The following INTS12 variants were observed in gnomAD, a reference collection of about 807,000 sequenced individuals.
The protein encoded by INTS12 is PHD finger protein 22.
INTS12 carries 13 observed loss-of-function variants against 41.6 expected under a neutral mutation model. That is an observed-to-expected ratio of 0.31 (90% CI 0.20 to 0.50). The LOEUF (loss-of-function observed/expected upper bound fraction) is 0.50, where lower values mean the gene tolerates loss of function less well. Ranked by LOEUF, INTS12 falls within the 20% of genes least tolerant of loss-of-function variation. The pLI is 0.98. For missense variants in INTS12, 432 were observed against 541.6 expected, an observed-to-expected ratio of 0.80 and a Z score of 2.01; for synonymous variants, 199 against 191.4, an observed-to-expected ratio of 1.04 and a Z score of -0.33.
At chr4:105,704,056 A>C (rs1485583840) in intron 1 of INTS12, among the ~76,000 whole-genome samples, 1 of 150,136 alleles carries the variant, frequency 6.7e-6, no homozygotes, top group Non-Finnish European at 1.5e-5. Flanking sequence ...CTTTTCATTG[A>C]CATTAAATAT....
intron 2 of INTS12, 45 bp downstream of exon 2, chr4:105,703,603 T>C (rs1256549485): frequency 6.6e-6 from 1 of 152,242 alleles, no homozygotes; most frequent in Non-Finnish European, 1.5e-5. Flanking sequence ...ATTCTCTCTC[T>C]GCCTGCACCC....
intron 2 of INTS12, among the ~76,000 whole-genome samples, chr4:105,701,944 G>A (rs746618986): frequency 2.0e-5 from 3 of 151,974 alleles, no homozygotes; most frequent in Admixed American, 6.6e-5. Context: ...ACAAGACTGC[G>A]GAAGTCATCA....
At chr4:105,691,535 T>C (rs1731684547) in intron 6 of INTS12, among the ~76,000 whole-genome samples, 1 of 152,188 alleles carries the variant, frequency 6.6e-6, no homozygotes, top group Non-Finnish European at 1.5e-5. Flanking sequence ...AAGACAGATA[T>C]GCACATATAA....
At chr4:105,705,265 T>A (rs1232634110) in intron 1 of INTS12, 1 of 152,254 alleles carries the variant, frequency 6.6e-6, no homozygotes, top group Non-Finnish European at 1.5e-5. Context: ...GTGTGTGATC[T>A]ACGTTGTGTG....
intron 1 of INTS12, among the ~76,000 whole-genome samples, chr4:105,704,702 C>T (rs1732203969): frequency 6.6e-6 from 1 of 152,194 alleles, no homozygotes; most frequent in Non-Finnish European, 1.5e-5. Context: ...ACACTATTCC[C>T]TTTTCTCCTA....
In INTS12 at chr4:105,686,686, C is replaced by A; in HGVS notation, c.804+6G>T. 1 of 1,602,706 alleles carries A rather than the reference C, an allele frequency of 6.2e-7. No individual in the cohort carries two copies. Among genetic ancestry groups the A allele is most frequent in the Non-Finnish European group, 8.5e-7 (1 of 1,173,922 alleles). On this transcript the variant is annotated splice_donor_region_variant and intron_variant, in intron 7 of 7. Transcript: ENST00000340139. ...TAATCTTAGATAAAAATAGAATCTA[C>A]TATACCTTGACTTCTGTTCTCTTAA...
intron 6 of INTS12, among the ~76,000 whole-genome samples, chr4:105,689,419 C>CAA (rs1476633183): frequency 1.3e-5 from 2 of 152,182 alleles, no homozygotes; most frequent in African/African-American, 4.8e-5. Flanking sequence ...CCCACTGTTC[C>CAA]AAAATTATCT....
chr4:105,702,379 A>G lies in INTS12; in HGVS notation c.-10+1269T>C, dbSNP rs888592890. On this transcript the variant is annotated intron_variant, in intron 2 of 7. Transcript: ENST00000340139. ...TCTCGATCTCCTGACCTTGTGATCC[A>G]CCCGCCTCGGCCTCCCAAAGTGCTG... is the stretch of plus-strand genomic sequence containing the variant. Among the ~76,000 whole-genome samples, 15 of 151,494 alleles carry G rather than the reference A, an allele frequency of 9.9e-5. No individual in the cohort carries two copies. In the South Asian group the frequency reaches 3.1e-3, roughly 32 times the overall value.
intron 6 of INTS12, 71 bp from the exon 7 acceptor site, chr4:105,686,909 C>G: frequency 7.0e-6 from 9 of 1,285,794 alleles, no homozygotes; most frequent in Non-Finnish European, 1.0e-5. Context: ...TAATCCCTCA[C>G]AGGACTCATC....
At chr4:105,703,124 A>C in intron 2 of INTS12, 1 of 494,692 alleles carries the variant, frequency 2.0e-6, no homozygotes, top group Non-Finnish European at 2.6e-6. Flanking sequence ...GCCAAAACAG[A>C]CTGCAAAAGA....
rs576666363 is a variant in INTS12 at position 105,697,459 on chromosome 4, C to A, written c.157-1791G>T. Among the ~76,000 whole-genome samples the A allele has an allele frequency of 3.9e-5, 6 of 152,264 alleles. No individual in the cohort carries two copies. The East Asian group carries it at 1.2e-3, about 29-fold the overall frequency. On this transcript the variant is annotated intron_variant, in intron 3 of 7. Coordinates refer to ENST00000340139, the MANE Select transcript of INTS12 (RefSeq NM_020395.4). Reference sequence around the variant, plus strand: ...AGGAAGGAGGAATGGGTCCTCAGATCTAGTGGTGGCAGGGCTTGATATATT... The same window carrying A: ...AGGAAGGAGGAATGGGTCCTCAGATATAGTGGTGGCAGGGCTTGATATATT...
chr4:105,690,823 T>C (rs1388203699), intron 6 of INTS12, among the ~76,000 whole-genome samples: 1 of 152,214 alleles, frequency 6.6e-6, no homozygotes, highest in Non-Finnish European at 1.5e-5. Flanking sequence ...TTGTTTCTTT[T>C]GACAATTTCC....
At chr4:105,695,365 TCTATAG>T in intron 4 of INTS12, 145 bp downstream of exon 4, 1 of 562,350 alleles carries the variant, frequency 1.8e-6, no homozygotes, top group Non-Finnish European at 2.9e-6. Context: ...AAAGTCAAAA[TCTATAG>T]CTATCAATAT....
intron 4 of INTS12, among the ~76,000 whole-genome samples, chr4:105,694,031 C>T (rs1348846471): frequency 6.6e-6 from 1 of 152,136 alleles, no homozygotes; most frequent in South Asian, 2.1e-4. Context: ...ATTATATTCA[C>T]TTATAGGTAT....
chr4:105,683,123 C>G lies in INTS12; in HGVS notation c.999G>C (p.Leu333Phe). The G allele has an allele frequency of 6.2e-7, 1 of 1,614,050 alleles. No homozygotes were observed. The highest frequency in any genetic ancestry group is 8.5e-7 in the Non-Finnish European group (1 of 1,179,968). ...TSSANQKPVG[L>F]TGLATSSKGG... ...CTTTGGATGATGTTGCCAGACCAGT[C>G]AAACCCACAGGTTTCTGGTTAGCTG... is the stretch of plus-strand genomic sequence containing the variant. The change falls in exon 8 of 8, where the codon TTG becomes TTC. Residue 333 changes from leucine to phenylalanine, a missense_variant. By Grantham distance (22) the Leu-to-Phe change is conservative. Around this residue, in one of 3 missense-constraint regions of INTS12, gnomAD observed 258 missense variants for 309.9 expected, o/e 0.83. Transcript: ENST00000340139.
At chr4:105,703,983 A>G (rs989088616) in intron 1 of INTS12, among the ~76,000 whole-genome samples, 174 bp from the exon 2 acceptor site, 1 of 147,976 alleles carries the variant, frequency 6.8e-6, no homozygotes, top group Non-Finnish European at 1.5e-5. Context: ...CCCCTCTTGA[A>G]CCTTGGCCTA....
At position 105,688,702 on chromosome 4, in the gene INTS12, T is replaced by C. The variant is rs189949186; in HGVS notation, c.658-1864A>G. ...CTTAACACTGCCTTCCACCCACATC[T>C]AGCACTCCTGAGGTTAGACTCTGAG... On this transcript the variant is annotated intron_variant, in intron 6 of 7. Coordinates refer to ENST00000340139, the MANE Select transcript of INTS12 (RefSeq NM_020395.4). 2.6e-3 allele frequency among the ~76,000 whole-genome samples: 397 copies of C among 152,270 alleles called. 2 individuals are homozygous for C. Among genetic ancestry groups the C allele is most frequent in the Admixed American group, 0.024 (366 of 15,292 alleles).
At chr4:105,697,716 A>G (rs908313008) in intron 3 of INTS12, among the ~76,000 whole-genome samples, 6 of 152,078 alleles carry the variant, frequency 3.9e-5, no homozygotes, top group Non-Finnish European at 8.8e-5. Flanking sequence ...TAGACTTAGT[A>G]AAGTGTTGAA....
intron 2 of INTS12, among the ~76,000 whole-genome samples, chr4:105,700,488 T>C (rs1274546369): frequency 6.6e-6 from 1 of 151,966 alleles, no homozygotes; most frequent in Non-Finnish European, 1.5e-5. Context: ...AAAAGGTATA[T>C]TAAGTGATTA....
Sources: allele counts gnomAD v4.1 joint callset (sites outside exome capture counted in the v4.1 genomes callset), GRCh38; gene constraint gnomAD v4.1.1; regional missense constraint gnomAD v4.1.1; transcripts MANE v1.5; gene names NCBI Gene and HGNC (gene_info 2026-07-23, HGNC 2026-07-21).